The following CNTN4 variants were observed in gnomAD, a reference collection of about 807,000 sequenced individuals.
The protein encoded by CNTN4 is contactin 4, also known as contactin-4.
A neutral mutation model predicts 122.5 loss-of-function variants in CNTN4; 77 were observed. That is an observed-to-expected ratio of 0.63 (90% confidence interval 0.52 to 0.76). The LOEUF is 0.76. CNTN4 is among the 30% of genes least tolerant of loss of function. The pLI is 0.00. For synonymous variants in CNTN4, 512 were observed against 447.0 expected (o/e 1.15, Z -1.83); for missense variants, 1,256 against 1,259.1 (o/e 1.00, Z 0.04).
chr3:2,287,773 A>G (rs936388085), intron 2 of CNTN4, among the ~76,000 whole-genome samples: 3 of 147,870 alleles, frequency 2.0e-5, no homozygotes, highest in Non-Finnish European at 3.0e-5. Flanking sequence ...GAAGAAGAAG[A>G]AGAAGGAGAA....
intron 2 of CNTN4, among the ~76,000 whole-genome samples, chr3:2,233,683 G>A (rs982641343): frequency 3.9e-5 from 6 of 152,026 alleles, no homozygotes; most frequent in African/African-American, 7.2e-5. Context: ...CAAAGCAGCC[G>A]TATAATAGAA....
At chr3:2,522,498 A>G (rs1319411874) in intron 3 of CNTN4, among the ~76,000 whole-genome samples, 1 of 152,112 alleles carries the variant, frequency 6.6e-6, no homozygotes, top group African/African-American at 2.4e-5. Context: ...TAATTTCACA[A>G]TACAGTATTG....
intron 3 of CNTN4, among the ~76,000 whole-genome samples, chr3:2,560,621 GA>G (rs2149421576): frequency 6.6e-6 from 1 of 152,278 alleles, no homozygotes; most frequent in South Asian, 2.1e-4. Context: ...TGGAGGATCA[GA>G]AATAACTTGC....
intron 2 of CNTN4, 55 bp from the exon 3 acceptor site, chr3:2,339,123 C>T (rs2044079966): frequency 6.6e-6 from 1 of 152,102 alleles, no homozygotes. Flanking sequence ...TACCCATAAG[C>T]CTATCTATGC....
At chr3:2,384,753 A>C (rs989003628) in intron 3 of CNTN4, among the ~76,000 whole-genome samples, 3 of 137,732 alleles carry the variant, frequency 2.2e-5, no homozygotes, top group African/African-American at 8.2e-5. Context: ...GTAACAACTC[A>C]ATGTGTGCGT....
At chr3:2,910,958 A>T (rs1481727800) in intron 12 of CNTN4, among the ~76,000 whole-genome samples, 1 of 152,194 alleles carries the variant, frequency 6.6e-6, no homozygotes, top group African/African-American at 2.4e-5. Context: ...AAAGCACTGT[A>T]GAAAAATTTA....
intron 3 of CNTN4, among the ~76,000 whole-genome samples, chr3:2,364,677 G>A (rs2045302663): frequency 6.6e-6 from 1 of 151,970 alleles, no homozygotes; most frequent in Non-Finnish European, 1.5e-5. Flanking sequence ...CACTGAGTTG[G>A]GAAATTACAA....
In CNTN4 at chr3:2,300,708, A is replaced by G. The variant is rs192909347; in HGVS notation, c.-144-38470A>G. ...TGCCTCAGCCTCTCGAGTAGCTGGGATCACAGGCGCGCGCCACCATGCCAT... is the reference window on the plus strand; with the variant it reads ...TGCCTCAGCCTCTCGAGTAGCTGGGGTCACAGGCGCGCGCCACCATGCCAT... On this transcript the variant is annotated intron_variant, in intron 2 of 24. Coordinates refer to ENST00000418658, the MANE Select transcript of CNTN4 (RefSeq NM_175607.3). Among the ~76,000 whole-genome samples, 880 of 150,858 alleles carry G rather than the reference A, an allele frequency of 5.8e-3. 14 individuals are homozygous for G. The highest frequency in any genetic ancestry group is 0.02 in the African/African-American group (817 of 41,036).
chr3:2,746,272 A>T (rs2089767439), intron 6 of CNTN4, among the ~76,000 whole-genome samples: 1 of 152,198 alleles, frequency 6.6e-6, no homozygotes, highest in Non-Finnish European at 1.5e-5. Context: ...GAGTTGAAAA[A>T]ATTTAAAGCA....
At chr3:2,915,117 G>C (rs900271323) in intron 12 of CNTN4, among the ~76,000 whole-genome samples, 3 of 152,196 alleles carry the variant, frequency 2.0e-5, no homozygotes, top group African/African-American at 7.2e-5. Flanking sequence ...CCAGGCTGGA[G>C]TGCAGTGTTG....
intron 14 of CNTN4, among the ~76,000 whole-genome samples, chr3:3,019,367 C>T (rs556384018): frequency 2.6e-5 from 4 of 152,126 alleles, no homozygotes; most frequent in Non-Finnish European, 5.9e-5. Context: ...TGCATTGGTG[C>T]GACACTGCAA....
At chr3:2,788,356 A>G (rs1341838625) in intron 6 of CNTN4, among the ~76,000 whole-genome samples, 1 of 152,176 alleles carries the variant, frequency 6.6e-6, no homozygotes, top group Non-Finnish European at 1.5e-5. Context: ...GAATTATTTA[A>G]CCCAATGGAA....
chr3:2,393,891 G>A (rs991485774), intron 3 of CNTN4, among the ~76,000 whole-genome samples: 1 of 151,996 alleles, frequency 6.6e-6, no homozygotes, highest in African/African-American at 2.4e-5. Context: ...TGCTCTTGGT[G>A]GGTCTAGATA....
intron 6 of CNTN4, among the ~76,000 whole-genome samples, chr3:2,796,914 C>A (rs374932997): frequency 2.4e-4 from 37 of 152,178 alleles, no homozygotes; most frequent in African/African-American, 8.2e-4. Context: ...CCCACCCCTA[C>A]TTCATACTCA....
At chr3:2,424,202 C>G (rs2047725850) in intron 3 of CNTN4, among the ~76,000 whole-genome samples, 1 of 140,646 alleles carries the variant, frequency 7.1e-6, no homozygotes, top group Non-Finnish European at 1.6e-5. Context: ...TTTCCTAATG[C>G]TATCCCTCCC....
Position 3,030,836 on chromosome 3 carries a change from C to T in CNTN4, c.1663-19C>T. ...GCTCATTAAAAAGTAATTGCAGCCA[C>T]TTTCCCCTACTTTATCAGCAGGATT... On this transcript the variant is annotated intron_variant, in intron 15 of 24. Transcript: ENST00000418658. 1.2e-6 allele frequency: 2 copies of T among 1,613,772 alleles called. No individual in the cohort carries two copies. The highest frequency in any genetic ancestry group is 1.7e-6 in the Non-Finnish European group (2 of 1,179,720).
At chr3:2,823,486 A>G (rs1004643302) in intron 7 of CNTN4, among the ~76,000 whole-genome samples, 2 of 152,210 alleles carry the variant, frequency 1.3e-5, no homozygotes, top group Non-Finnish European at 2.9e-5. Flanking sequence ...GTTTATATGT[A>G]TGAATTCAGA....
chr3:2,524,749 G>A (rs1454770514), intron 3 of CNTN4, among the ~76,000 whole-genome samples: 4 of 152,036 alleles, frequency 2.6e-5, no homozygotes, highest in African/African-American at 9.7e-5. Context: ...TGAATACTAG[G>A]CAGGAAGTTA....
chr3:2,559,946 G>A (rs2078880641), intron 3 of CNTN4, among the ~76,000 whole-genome samples: 1 of 152,106 alleles, frequency 6.6e-6, no homozygotes, highest in South Asian at 2.1e-4. Context: ...CTGACATATT[G>A]CATGTGTTCA....
Sources: gnomAD v4.1 joint callset for allele counts (sites outside exome capture counted in the v4.1 genomes callset) on GRCh38, gnomAD v4.1.1 for gene constraint, MANE v1.5 for transcripts, NCBI Gene and HGNC (gene_info 2026-07-23, HGNC 2026-07-21) for gene names.